Variants in ABTB2 observed in about 807,000 individuals in gnomAD.
ABTB2 encodes the protein ankyrin repeat and BTB domain containing 2.
ABTB2 carries 56 observed loss-of-function variants against 104.1 expected under a neutral mutation model. That is an observed-to-expected ratio of 0.54 (90% CI 0.43 to 0.67). The LOEUF (loss-of-function observed/expected upper bound fraction) is 0.67, where lower values mean the gene tolerates loss of function less well. ABTB2 is among the 30% of genes least tolerant of loss of function. ABTB2 has a pLI of 0.00. For synonymous variants in ABTB2, 606 were observed against 608.2 expected, an observed-to-expected ratio of 1.00 and a Z score of 0.05; for missense variants, 1,279 against 1,407.7, an observed-to-expected ratio of 0.91 and a Z score of 1.46.
intron 1 of ABTB2, among the ~76,000 whole-genome samples, chr11:34,307,012 A>AG (rs1204753651): frequency 6.6e-6 from 1 of 151,748 alleles, no homozygotes; most frequent in Non-Finnish European, 1.5e-5. Context: ...AAAGAAAGAA[A>AG]AAAAGCAGAC....
intron 1 of ABTB2, among the ~76,000 whole-genome samples, chr11:34,303,977 T>C (rs1201347325): frequency 1.3e-5 from 2 of 152,108 alleles, no homozygotes; most frequent in Non-Finnish European, 2.9e-5. Flanking sequence ...TTCAGTTACC[T>C]GAGGTCAACT....
intron 1 of ABTB2, among the ~76,000 whole-genome samples, chr11:34,316,702 A>T (rs1461655890): frequency 1.3e-5 from 2 of 152,230 alleles, no homozygotes; most frequent in Non-Finnish European, 2.9e-5. Context: ...AAAAAAATAC[A>T]GTGTGTACTT....
At chr11:34,301,159 G>A (rs1854700800) in intron 1 of ABTB2, among the ~76,000 whole-genome samples, 1 of 152,208 alleles carries the variant, frequency 6.6e-6, no homozygotes, top group South Asian at 2.1e-4. Flanking sequence ...TTTCAGCCTT[G>A]AAGGCCTCTG....
rs12574221 is a variant in ABTB2 at position 34,290,446 on chromosome 11, T to C, written c.883+66255A>G. On this transcript the variant is annotated intron_variant, in intron 1 of 16. Transcript: ENST00000435224. ...TTAAATGTGTGGTTCTTCTCTGTAA[T>C]AGGTGATAGTAATCGAAGATAGCAG... Among the ~76,000 whole-genome samples, 1,175 of 152,334 alleles carry C rather than the reference T, an allele frequency of 7.7e-3. 64 individuals carry two copies. The East Asian group carries it at 0.14, about 18-fold the overall frequency.
intron 1 of ABTB2, among the ~76,000 whole-genome samples, chr11:34,270,180 G>A (rs939251644): frequency 2.0e-5 from 3 of 152,154 alleles, no homozygotes; most frequent in African/African-American, 7.2e-5. Flanking sequence ...ATGCAGGGCT[G>A]AGAATTCTCC....
At position 34,197,130 on chromosome 11, in the gene ABTB2, G is replaced by GAA. The variant is rs11437700; in HGVS notation, c.1244+193_1244+194dup. The stretch of plus-strand genomic sequence containing the variant: ...GGCCCCATGCTGCATCAGCTCAGAG[G>GAA]AAAAAAAAATCCCACTGCACACCAG... On this transcript the variant is annotated intron_variant, in intron 3 of 16. Coordinates refer to ENST00000435224, the MANE Select transcript of ABTB2 (RefSeq NM_145804.3). 7.7e-3 allele frequency among the ~76,000 whole-genome samples: 1,174 copies of GAA among 151,530 alleles called. 13 individuals are homozygous for GAA. The highest frequency in any genetic ancestry group is 0.012 in the Non-Finnish European group (827 of 67,830).
In ABTB2 at chr11:34,159,841, C is replaced by G. The variant is rs561183589; in HGVS notation, c.2606+65G>C. On this transcript the variant is annotated intron_variant, in intron 13 of 16. Transcript: ENST00000435224. ...GCCCCAGCGAGTCACTCTCTGTCAC[C>G]TGGAATCTGAAACAAGGTGCTTCTG... The G allele has an allele frequency of 3.4e-5, 46 of 1,336,812 alleles. 2 individuals carry two copies. In the South Asian group the frequency reaches 5.2e-4, roughly 15 times the overall value. 82.8% of individuals were successfully genotyped at this position (1,336,812 alleles called of 1,614,324 possible).
chr11:34,280,264 T>C (rs958603650), intron 1 of ABTB2, among the ~76,000 whole-genome samples: 1 of 152,040 alleles, frequency 6.6e-6, no homozygotes, highest in Non-Finnish European at 1.5e-5. Flanking sequence ...CAGCACAGCA[T>C]TGCAAAGGGA....
At chr11:34,163,373 T>G (rs931912750) in intron 9 of ABTB2, among the ~76,000 whole-genome samples, 1 of 152,206 alleles carries the variant, frequency 6.6e-6, no homozygotes, top group African/African-American at 2.4e-5. Flanking sequence ...TATTTATGAA[T>G]GAAGACACAG....
intron 1 of ABTB2, among the ~76,000 whole-genome samples, chr11:34,225,399 C>T (rs1853672994): frequency 6.6e-6 from 1 of 152,232 alleles, no homozygotes; most frequent in Non-Finnish European, 1.5e-5. Flanking sequence ...AGACTCCACA[C>T]AGGGCTTGTA....
At position 34,197,470 on chromosome 11, in the gene ABTB2, C is replaced by T. The variant is rs1237621735; in HGVS notation, c.1099G>A (p.Ala367Thr). ...RHPLCPGASPARQARQPPQPI... is the reference protein window; with the variant it reads ...RHPLCPGASPTRQARQPPQPI... ...TGTGGCGGCTGGCGGGCCTGGCGGG[C>T]AGGGCTGGCACCCGGGCACAGGGGG... The change falls in exon 3 of 17, where the codon GCC (alanine) becomes ACC (threonine). Residue 367 changes from alanine (A) to threonine (T), a missense_variant. Coordinates refer to ENST00000435224, the MANE Select transcript of ABTB2 (RefSeq NM_145804.3). 4 of 1,586,316 alleles carry T rather than the reference C, an allele frequency of 2.5e-6. No individual in the cohort carries two copies. The African/African-American group carries it at 5.4e-5, about 21-fold the overall frequency.
intron 9 of ABTB2, among the ~76,000 whole-genome samples, chr11:34,163,829 G>C (rs1852756430): frequency 6.6e-6 from 1 of 152,236 alleles, no homozygotes; most frequent in African/African-American, 2.4e-5. Flanking sequence ...TGTGCTCAGA[G>C]TGACAGGCAG....
At position 34,184,287 on chromosome 11, in the gene ABTB2, A is replaced by G. The variant is rs117154912; in HGVS notation, c.1245-10980T>C. Among the ~76,000 whole-genome samples the G allele has an allele frequency of 6.2e-4, 94 of 152,338 alleles. 2 individuals are homozygous for G. In the East Asian group the frequency reaches 0.018, roughly 29 times the overall value. On this transcript the variant is annotated intron_variant, in intron 3 of 16. Transcript: ENST00000435224. ...AGTAAAAAGACAGCTATTGCACAGG[A>G]GAGTGTTCCAAATGCAACAACTTCC...
At chr11:34,313,970 T>C (rs1443961047) in intron 1 of ABTB2, among the ~76,000 whole-genome samples, 1 of 152,196 alleles carries the variant, frequency 6.6e-6, no homozygotes, top group Non-Finnish European at 1.5e-5. Context: ...GGGCACAACC[T>C]GGCTCCCACA....
At position 34,356,876 on chromosome 11, in the gene ABTB2, C is replaced by T. The variant is rs1564940611; in HGVS notation, c.708G>A (p.Glu236=). Residue 236 remains glutamate (E), a synonymous_variant, in exon 1 of 17, where the codon GAG becomes GAA. Coordinates refer to ENST00000435224, the MANE Select transcript of ABTB2 (RefSeq NM_145804.3). The surrounding 1 kb of genome is among the most constrained non-coding windows in gnomAD (Gnocchi z 4.6). The part of the protein sequence containing the change: ...YAAISLTACM[E]NLVEEIRARV... ...TGGCCCGGATCTCCTCCACCAGGTTCTCCATGCAGGCGGTGAGGGAGATGG... is the reference window on the plus strand; with the variant it reads ...TGGCCCGGATCTCCTCCACCAGGTTTTCCATGCAGGCGGTGAGGGAGATGG... 6.2e-7 allele frequency: 1 copy of T among 1,606,290 alleles called. No individual in the cohort carries two copies. Among genetic ancestry groups the T allele is most frequent in the East Asian group, 2.2e-5 (1 of 44,570 alleles).
chr11:34,235,773 T>A (rs1853834743), intron 1 of ABTB2, among the ~76,000 whole-genome samples: 1 of 152,214 alleles, frequency 6.6e-6, no homozygotes, highest in African/African-American at 2.4e-5. Flanking sequence ...CAGAGCTTTT[T>A]CTGATCCATG....
Position 34,252,121 on chromosome 11 carries a change from A to C in ABTB2, c.884-47431T>G, listed in dbSNP as rs777884793. Among the ~76,000 whole-genome samples, 7 of 152,102 alleles carry C rather than the reference A, an allele frequency of 4.6e-5. No individual in the cohort carries two copies. The highest frequency in any genetic ancestry group is 7.2e-5 in the African/African-American group (3 of 41,404). On this transcript the variant is annotated intron_variant, in intron 1 of 16. Coordinates refer to ENST00000435224, the MANE Select transcript of ABTB2 (RefSeq NM_145804.3). This position sits in a 1 kb window ranked among gnomAD's most constrained non-coding sequence, Gnocchi z 5.5. ...CAGCAAGGCCCGGATGGTGGTTCGG[A>C]GTTCATGCTCCAGGGGTTCATGAGG... is the stretch of plus-strand genomic sequence containing the variant.
At chr11:34,265,054 G>A (rs138149412) in intron 1 of ABTB2, among the ~76,000 whole-genome samples, 1 of 152,276 alleles carries the variant, frequency 6.6e-6, no homozygotes, top group Non-Finnish European at 1.5e-5. Context: ...ACTTCCTCGT[G>A]ACTCAGTCGC....
At chr11:34,161,218 GC>G in intron 10 of ABTB2, 137 bp from the exon 11 acceptor site, 1 of 841,852 alleles carries the variant, frequency 1.2e-6, no homozygotes, top group South Asian at 1.9e-5. Flanking sequence ...CCTCCCGCCT[GC>G]CCCCTTCCTG....
Sources: allele counts gnomAD v4.1 joint callset (sites outside exome capture counted in the v4.1 genomes callset), GRCh38; gene constraint gnomAD v4.1.1; non-coding constraint Gnocchi (gnomAD v3.1); transcripts MANE v1.5; gene names NCBI Gene and HGNC (gene_info 2026-07-23, HGNC 2026-07-21).